Variants in CLIP1 observed in about 807,000 individuals in gnomAD.
CLIP1 encodes the protein CAP-Gly domain-containing linker protein 1.
A neutral mutation model predicts 161.6 loss-of-function variants in CLIP1; 66 were observed. The ratio of observed to expected loss-of-function variants is 0.41; its 90% CI spans 0.33 to 0.50. The LOEUF is 0.50. Among genes scored for constraint, CLIP1 ranks in the 20% least tolerant of loss-of-function variants. The probability of loss-of-function intolerance (pLI) is 0.27; values close to 1 mark genes in which losing one functional copy is unlikely to be tolerated. For synonymous variants in CLIP1, 598 were observed against 626.2 expected (o/e 0.96, Z 0.67); for missense variants, 1,376 against 1,702.0 (o/e 0.81, Z 3.37).
In CLIP1 at chr12:122,388,550, T is replaced by A. The variant is rs187334371; in HGVS notation, c.-106-7992A>T. On this transcript the variant is annotated intron_variant, in intron 1 of 25. Coordinates refer to ENST00000620786, the MANE Select transcript of CLIP1 (RefSeq NM_001247997.2). Reference sequence around the variant, plus strand: ...GTATTTTAACAAGCCTTCAGGCTATTTGGATGCTGAAGTTTATTATTGTTG... The same window carrying A: ...GTATTTTAACAAGCCTTCAGGCTATATGGATGCTGAAGTTTATTATTGTTG... Among the ~76,000 whole-genome samples, 7 of 152,142 alleles carry A rather than the reference T, an allele frequency of 4.6e-5. No homozygotes were observed. In the East Asian group the frequency reaches 1.4e-3, roughly 29 times the overall value.
intron 10 of CLIP1, among the ~76,000 whole-genome samples, chr12:122,344,496 A>G (rs144170067): frequency 6.6e-6 from 1 of 152,342 alleles, no homozygotes; most frequent in East Asian, 1.9e-4. Context: ...TGTAGCATAA[A>G]TACATTAAAC....
At position 122,271,689 on chromosome 12, in the gene CLIP1, A is replaced by G. The variant is rs892945716; in HGVS notation, c.*1186T>C. ...GAAGATACATTTTATGACTTTTTAC[A>G]TATTCTAGAAGACATTCAAATGAAG... is the stretch of plus-strand genomic sequence containing the variant. On this transcript the variant is annotated 3_prime_UTR_variant, in exon 26 of 26. Coordinates refer to ENST00000620786, the MANE Select transcript of CLIP1 (RefSeq NM_001247997.2). 1 of 152,666 alleles carries G rather than the reference A, an allele frequency of 6.6e-6. No homozygotes were observed. The highest frequency in any genetic ancestry group is 6.5e-5 in the Admixed American group (1 of 15,278). 9.5% of individuals were successfully genotyped at this position (152,666 alleles called of 1,614,324 possible).
intron 1 of CLIP1, among the ~76,000 whole-genome samples, chr12:122,390,336 G>C (rs181850346): frequency 8.4e-6 from 1 of 119,354 alleles, no homozygotes; most frequent in Non-Finnish European, 1.7e-5. Flanking sequence ...TTTTTTAAAC[G>C]GAGTCTCGCT....
intron 25 of CLIP1, 130 bp from the exon 26 acceptor site, chr12:122,273,230 G>C: frequency 3.0e-6 from 2 of 671,506 alleles, no homozygotes; most frequent in Non-Finnish European, 5.1e-6. Flanking sequence ...AGTATAAGTA[G>C]TGCATTATCC....
chr12:122,380,343 G>C, intron 2 of CLIP1, 25 bp downstream of exon 2: 1 of 1,528,958 alleles, frequency 6.5e-7, no homozygotes, highest in Non-Finnish European at 9.0e-7. Context: ...TATAGGATAA[G>C]GAAAGGAAAA....
intron 3 of CLIP1, among the ~76,000 whole-genome samples, chr12:122,369,480 T>G (rs1306642946): frequency 6.6e-6 from 1 of 151,886 alleles, no homozygotes; most frequent in Non-Finnish European, 1.5e-5. Flanking sequence ...GTGACGACTG[T>G]ATTCAAAACC....
chr12:122,289,597 AG>A (rs1272205410), intron 20 of CLIP1, among the ~76,000 whole-genome samples: 1 of 152,170 alleles, frequency 6.6e-6, no homozygotes, highest in Non-Finnish European at 1.5e-5. Context: ...TTGAATGGTT[AG>A]TATATTCAAG....
chr12:122,328,905 CTAAA>C lies in CLIP1; in HGVS notation c.2868-483_2868-480del, dbSNP rs976613188. Reference sequence around the variant, plus strand: ...CACAAGAAATTTTAAAATGCTTTGCCTAAATAATCATTTTACCAGTTATGATAGT... The same window carrying C: ...CACAAGAAATTTTAAAATGCTTTGCCTAATCATTTTACCAGTTATGATAGT... On this transcript the variant is annotated intron_variant, in intron 15 of 25. Transcript: ENST00000620786. 4.7e-4 allele frequency among the ~76,000 whole-genome samples: 72 copies of C among 151,996 alleles called. 1 individual carries two copies. Among genetic ancestry groups the C allele is most frequent in the African/African-American group, 1.7e-3 (71 of 41,418 alleles).
At chr12:122,344,273 C>A (rs1952643849) in intron 10 of CLIP1, among the ~76,000 whole-genome samples, 1 of 152,070 alleles carries the variant, frequency 6.6e-6, no homozygotes. Context: ...TATTTCAGAG[C>A]TGACTATAAT....
At chr12:122,409,408 G>A (rs190710114) in intron 1 of CLIP1, among the ~76,000 whole-genome samples, 1 of 152,116 alleles carries the variant, frequency 6.6e-6, no homozygotes, top group African/African-American at 2.4e-5. Flanking sequence ...TTACAGGCAC[G>A]AGCCACCACG....
chr12:122,325,489 T>C (rs1233342571), intron 17 of CLIP1, among the ~76,000 whole-genome samples: 1 of 151,934 alleles, frequency 6.6e-6, no homozygotes, highest in African/African-American at 2.4e-5. Context: ...TTTATTTATT[T>C]ATTTATTTTG....
chr12:122,278,903 A>G lies in CLIP1; in HGVS notation c.3805T>C (p.Leu1269=), dbSNP rs1566069338. Reference sequence around the variant, plus strand: ...TCTAGAGTCTGAACAACTGAATGCAAGGACTTGGCAGAGGCGTTTTCTCCC... The same window carrying G: ...TCTAGAGTCTGAACAACTGAATGCAGGGACTTGGCAGAGGCGTTTTCTCCC... The part of the protein sequence containing the change: ...LRGENASAKS[L]HSVVQTLESD... Residue 1269 remains leucine (L), a synonymous_variant, in exon 23 of 26, where the codon TTG becomes CTG. Coordinates refer to ENST00000620786, the MANE Select transcript of CLIP1 (RefSeq NM_001247997.2). The G allele has an allele frequency of 6.2e-7, 1 of 1,612,754 alleles. No homozygotes were observed. The highest frequency in any genetic ancestry group is 1.7e-5 in the Admixed American group (1 of 59,830).
intron 1 of CLIP1, chr12:122,399,644 G>C (rs1307759618): frequency 6.6e-6 from 1 of 152,174 alleles, no homozygotes; most frequent in Non-Finnish European, 1.5e-5. Context: ...AATTTAACCT[G>C]CCAGGAGAGG....
intron 9 of CLIP1, 63 bp from the exon 10 acceptor site, chr12:122,347,542 GGA>G: frequency 7.8e-7 from 1 of 1,281,896 alleles, no homozygotes; most frequent in South Asian, 1.2e-5. Flanking sequence ...CAGCACGAGA[GGA>G]GAGACAGCGG....
At chr12:122,337,445 CA>C (rs1163606204) in intron 11 of CLIP1, among the ~76,000 whole-genome samples, 22 of 70,938 alleles carry the variant, frequency 3.1e-4, no homozygotes, top group Admixed American at 6.0e-4. Flanking sequence ...GACTCTGCCT[CA>C]AAAAAAAAAA....
intron 1 of CLIP1, among the ~76,000 whole-genome samples, chr12:122,390,197 AAT>A (rs1491296554): frequency 3.3e-5 from 3 of 90,600 alleles, no homozygotes; most frequent in African/African-American, 9.4e-5. Flanking sequence ...ATATATATAT[AAT>A]ATATATATAC....
intron 1 of CLIP1, among the ~76,000 whole-genome samples, chr12:122,397,484 C>CA (rs1389394482): frequency 7.6e-6 from 1 of 131,916 alleles, no homozygotes; most frequent in African/African-American, 2.9e-5. Context: ...CCTGTAATCT[C>CA]AGAGGTTGCA....
intron 1 of CLIP1, among the ~76,000 whole-genome samples, chr12:122,390,233 T>C (rs1417671843): frequency 1.3e-4 from 16 of 124,984 alleles, no homozygotes; most frequent in East Asian, 3.1e-4. Context: ...CACACATATA[T>C]ACACACACAT....
At chr12:122,414,502 T>C (rs1956657019) in intron 1 of CLIP1, among the ~76,000 whole-genome samples, 1 of 151,944 alleles carries the variant, frequency 6.6e-6, no homozygotes, top group East Asian at 1.9e-4. Context: ...TTCTATCTTT[T>C]TGCCCAGGCT....
Sources: gnomAD v4.1 joint callset for allele counts (sites outside exome capture counted in the v4.1 genomes callset) on GRCh38, gnomAD v4.1.1 for gene constraint, MANE v1.5 for transcripts, NCBI Gene and HGNC (gene_info 2026-07-23, HGNC 2026-07-21) for gene names.